SULF1: variants seen among roughly 807,000 people sequenced by gnomAD.
SULF1 encodes the protein extracellular sulfatase Sulf-1.
A neutral mutation model predicts 110.5 loss-of-function variants in SULF1; 46 were observed. The observed-to-expected ratio is 0.42, with a 90% CI of 0.33 to 0.53. The LOEUF (loss-of-function observed/expected upper bound fraction) is 0.53, where lower values mean the gene tolerates loss of function less well. SULF1 is among the 20% of genes least tolerant of loss of function. SULF1 has a pLI of 0.12. For missense variants in SULF1, 941 were observed against 1,094.2 expected, an observed-to-expected ratio of 0.86 and a Z score of 1.98; for synonymous variants, 371 against 387.1, an observed-to-expected ratio of 0.96 and a Z score of 0.49.
intron 13 of SULF1, among the ~76,000 whole-genome samples, chr8:69,619,336 C>T (rs1809419794): frequency 1.3e-5 from 2 of 152,176 alleles, no homozygotes; most frequent in African/African-American, 4.8e-5. Flanking sequence ...CTGTGGCCAA[C>T]TTAAAATTAA....
chr8:69,467,571 A>G (rs765862876), intron 1 of SULF1, among the ~76,000 whole-genome samples: 6 of 152,254 alleles, frequency 3.9e-5, no homozygotes, highest in South Asian at 4.1e-4. Context: ...CAGAGAAGGA[A>G]GAAGGAGGAA....
chr8:69,500,384 C>T (rs751406243), intron 2 of SULF1, among the ~76,000 whole-genome samples: 3 of 152,188 alleles, frequency 2.0e-5, no homozygotes, highest in Non-Finnish European at 4.4e-5. Context: ...CTCAAGGCCA[C>T]ATAGCCAGTG....
At chr8:69,516,944 A>G (rs927047629) in intron 3 of SULF1, among the ~76,000 whole-genome samples, 3 of 152,230 alleles carry the variant, frequency 2.0e-5, no homozygotes, top group Admixed American at 6.5e-5. Flanking sequence ...GTGATAGTCT[A>G]CAATACCAAA....
chr8:69,613,209 A>C lies in SULF1; in HGVS notation c.1378-7826A>C, dbSNP rs187303100. Among the ~76,000 whole-genome samples, 4 of 149,836 alleles carry C rather than the reference A, an allele frequency of 2.7e-5. No homozygotes were observed. In the East Asian group the frequency reaches 7.8e-4, roughly 29 times the overall value. On this transcript the variant is annotated intron_variant, in intron 13 of 22. Transcript: ENST00000402687. ...TGGGTTCTCTATTCTGTTCCATTCT[A>C]TGTGCCTGTTTTTATGCCAGTACCA...
chr8:69,570,663 A>T (rs1805167048), intron 5 of SULF1, among the ~76,000 whole-genome samples: 1 of 152,228 alleles, frequency 6.6e-6, no homozygotes, highest in Non-Finnish European at 1.5e-5. Flanking sequence ...TACTCCATCC[A>T]AAGCACTATT....
At chr8:69,600,926 T>C (rs538400139) in intron 9 of SULF1, among the ~76,000 whole-genome samples, 173 bp downstream of exon 9, 2 of 152,332 alleles carry the variant, frequency 1.3e-5, no homozygotes, top group South Asian at 4.1e-4. Context: ...CCTTATCTTG[T>C]CCTCATTCCA....
At chr8:69,535,313 A>G (rs911889764) in intron 3 of SULF1, among the ~76,000 whole-genome samples, 2 of 152,192 alleles carry the variant, frequency 1.3e-5, no homozygotes, top group African/African-American at 4.8e-5. Flanking sequence ...TGCTCAAACA[A>G]CAAAACCTCT....
upstream of SULF1, among the ~76,000 whole-genome samples, chr8:69,488,689 G>A (rs138100750): frequency 3.5e-3 from 526 of 152,144 alleles, 3 homozygotes; most frequent in African/African-American, 0.011. Flanking sequence ...CTAGGGATCT[G>A]GGGATGGCCA....
upstream of SULF1, among the ~76,000 whole-genome samples, chr8:69,488,409 G>C (rs1215912138): frequency 6.6e-6 from 1 of 152,188 alleles, no homozygotes; most frequent in Admixed American, 6.5e-5. Flanking sequence ...GAGTGCTATT[G>C]CTCCCAAAAC....
At chr8:69,476,433 T>C (rs1563455194) in intron 1 of SULF1, among the ~76,000 whole-genome samples, 2 of 152,322 alleles carry the variant, frequency 1.3e-5, no homozygotes, top group East Asian at 1.9e-4. Flanking sequence ...AAGTAGAAGA[T>C]TGTGTTTGCC....
intron 22 of SULF1, among the ~76,000 whole-genome samples, chr8:69,647,861 C>T (rs1458847544): frequency 1.3e-5 from 2 of 151,888 alleles, no homozygotes; most frequent in Non-Finnish European, 2.9e-5. Context: ...CATTGCACTC[C>T]AGCCTGGGCA....
intron 8 of SULF1, among the ~76,000 whole-genome samples, chr8:69,593,253 A>T (rs565004966): frequency 6.6e-6 from 1 of 152,332 alleles, no homozygotes; most frequent in Admixed American, 6.5e-5. Flanking sequence ...ATTGAAGACA[A>T]GCTGCCGATG....
At chr8:69,572,392 C>T (rs529713298) in intron 5 of SULF1, among the ~76,000 whole-genome samples, 6 of 152,160 alleles carry the variant, frequency 3.9e-5, no homozygotes, top group Non-Finnish European at 8.8e-5. Flanking sequence ...CTAGCACCCA[C>T]CACAAAGGAT....
At chr8:69,528,467 A>G (rs1812853027) in intron 3 of SULF1, among the ~76,000 whole-genome samples, 1 of 152,178 alleles carries the variant, frequency 6.6e-6, no homozygotes, top group Non-Finnish European at 1.5e-5. Context: ...AGATTAGTCG[A>G]CTTAGTATTG....
chr8:69,643,359 C>T (rs1811634663), intron 22 of SULF1, among the ~76,000 whole-genome samples: 1 of 151,604 alleles, frequency 6.6e-6, no homozygotes, highest in Admixed American at 6.6e-5. Flanking sequence ...TTGATGGAGC[C>T]ACTTAGGAGG....
intron 3 of SULF1, among the ~76,000 whole-genome samples, chr8:69,538,374 G>A (rs572035587): frequency 6.0e-5 from 9 of 149,510 alleles, no homozygotes; most frequent in Admixed American, 2.0e-4. Context: ...CAGCAGCCGC[G>A]TTCATTTGCC....
intron 13 of SULF1, among the ~76,000 whole-genome samples, chr8:69,610,751 T>C (rs920964782): frequency 3.3e-5 from 5 of 152,232 alleles, no homozygotes; most frequent in African/African-American, 1.2e-4. Flanking sequence ...TACAGCCCCA[T>C]TCTGCTTAAT....
chr8:69,516,514 A>G (rs1444001090), intron 3 of SULF1, among the ~76,000 whole-genome samples: 1 of 152,238 alleles, frequency 6.6e-6, no homozygotes, highest in African/African-American at 2.4e-5. Context: ...ACAATTCAAC[A>G]TAAGATTTGG....
intron 19 of SULF1, among the ~76,000 whole-genome samples, chr8:69,636,957 G>T (rs1479669036): frequency 6.6e-6 from 1 of 152,144 alleles, no homozygotes; most frequent in Non-Finnish European, 1.5e-5. Context: ...TGTGAATTTG[G>T]CTTTGGGAAG....
Sources: allele counts gnomAD v4.1 joint callset (sites outside exome capture counted in the v4.1 genomes callset), GRCh38; gene constraint gnomAD v4.1.1; transcripts MANE v1.5; gene names NCBI Gene and HGNC (gene_info 2026-07-23, HGNC 2026-07-21).